The following LGSN variants were observed in gnomAD, a reference collection of about 807,000 sequenced individuals.
The protein encoded by LGSN is lengsin.
In LGSN, 21 loss-of-function variants were observed where a neutral mutation model predicts 19.5. That is an observed-to-expected ratio of 1.07 (90% CI 0.76 to 1.55). The LOEUF is 1.55. LGSN is among the 40% of genes most tolerant of loss of function. LGSN has a pLI of 0.00. For missense variants in LGSN, 673 were observed against 608.5 expected, an observed-to-expected ratio of 1.11 and a Z score of -1.12; for synonymous variants, 257 against 215.6, an observed-to-expected ratio of 1.19 and a Z score of -1.68.
At chr6:63,306,259 T>C (rs1768380673) in intron 1 of LGSN, among the ~76,000 whole-genome samples, 1 of 152,196 alleles carries the variant, frequency 6.6e-6, no homozygotes, top group African/African-American at 2.4e-5. Context: ...AGGTCATATC[T>C]GAGGAAGAAT....
chr6:63,344,991 G>A, the LGSN span, among the ~76,000 whole-genome samples: 1 of 151,994 alleles, frequency 6.6e-6, no homozygotes, highest in African/African-American at 2.4e-5. Flanking sequence ...GTCCTCTATA[G>A]CATTGGCTCA....
At chr6:63,419,880 CAAAAAAA>C in the LGSN span, among the ~76,000 whole-genome samples, 1 of 57,342 alleles carries the variant, frequency 1.7e-5, no homozygotes, top group African/African-American at 9.0e-5. Flanking sequence ...AACTCCCTCC[CAAAAAAA>C]AAAAAAAAAA....
At chr6:63,505,764 ATTC>A in the LGSN span, among the ~76,000 whole-genome samples, 1 of 151,994 alleles carries the variant, frequency 6.6e-6, no homozygotes, top group African/African-American at 2.4e-5. Flanking sequence ...AGTTCAAGCA[ATTC>A]TTCTGCCTCA....
chr6:63,474,597 A>C, the LGSN span, among the ~76,000 whole-genome samples: 1 of 141,656 alleles, frequency 7.1e-6, no homozygotes, highest in Admixed American at 7.2e-5. Context: ...CCACAGAGCA[A>C]GACTCCATCT....
At chr6:63,366,722 G>A in the LGSN span, among the ~76,000 whole-genome samples, 2 of 152,276 alleles carry the variant, frequency 1.3e-5, no homozygotes, top group South Asian at 4.1e-4. Flanking sequence ...AAACAGCATG[G>A]TACTGGTAGC....
intron 2 of LGSN, 41 bp downstream of exon 2, chr6:63,294,872 T>C: frequency 6.2e-7 from 1 of 1,607,236 alleles, no homozygotes; most frequent in Non-Finnish European, 8.5e-7. Flanking sequence ...GGAGATTGCC[T>C]CTGACCACAC....
the LGSN span, among the ~76,000 whole-genome samples, chr6:63,536,402 T>C: frequency 6.6e-6 from 1 of 152,228 alleles, no homozygotes; most frequent in African/African-American, 2.4e-5. Flanking sequence ...TTTATCCCTC[T>C]GCTTTACTGG....
the LGSN span, among the ~76,000 whole-genome samples, chr6:63,404,421 T>G: frequency 6.6e-6 from 1 of 152,170 alleles, no homozygotes; most frequent in African/African-American, 2.4e-5. Flanking sequence ...AAGATTTCTA[T>G]TTACTATAGA....
chr6:63,381,657 C>A, the LGSN span, among the ~76,000 whole-genome samples: 1 of 152,294 alleles, frequency 6.6e-6, no homozygotes, highest in Non-Finnish European at 1.5e-5. Context: ...TGCAAATTAA[C>A]CCATTCATCT....
At chr6:63,370,886 G>T in the LGSN span, among the ~76,000 whole-genome samples, 3 of 152,182 alleles carry the variant, frequency 2.0e-5, no homozygotes, top group African/African-American at 4.8e-5. Flanking sequence ...CATTTTTCCT[G>T]CTTTTTGAAC....
At chr6:63,420,160 A>G in the LGSN span, among the ~76,000 whole-genome samples, 16 of 150,742 alleles carry the variant, frequency 1.1e-4, no homozygotes, top group South Asian at 2.1e-4. Context: ...CCGAGATCGC[A>G]CCACTGCACT....
At chr6:63,545,700 C>A in the LGSN span, among the ~76,000 whole-genome samples, 392 of 152,088 alleles carry the variant, frequency 2.6e-3, no homozygotes, top group South Asian at 4.3e-3. Flanking sequence ...CTCAATAAGG[C>A]CTGTTTCCTT....
At chr6:63,331,760 T>C in the LGSN span, among the ~76,000 whole-genome samples, 1 of 152,040 alleles carries the variant, frequency 6.6e-6, no homozygotes, top group Admixed American at 6.6e-5. Flanking sequence ...CCGAGGAAGG[T>C]CAGATTTAGT....
chr6:63,332,409 C>T, the LGSN span, among the ~76,000 whole-genome samples: 2 of 152,084 alleles, frequency 1.3e-5, no homozygotes, highest in African/African-American at 2.4e-5. Context: ...CTCACTTGGG[C>T]GACATGCCTT....
At chr6:63,333,295 A>C in the LGSN span, among the ~76,000 whole-genome samples, 2 of 151,960 alleles carry the variant, frequency 1.3e-5, no homozygotes, top group Non-Finnish European at 2.9e-5. Context: ...TGGATGGATT[A>C]ACTGCTGAAT....
At chr6:63,418,901 A>G in the LGSN span, among the ~76,000 whole-genome samples, 2 of 150,258 alleles carry the variant, frequency 1.3e-5, no homozygotes, top group Non-Finnish European at 3.0e-5. Context: ...CAGCAAAGAA[A>G]ACTAGACTTC....
chr6:63,340,899 C>T, the LGSN span, among the ~76,000 whole-genome samples: 4 of 151,640 alleles, frequency 2.6e-5, no homozygotes, highest in East Asian at 1.9e-4. Flanking sequence ...CCTGATATAA[C>T]AGTCACTTAT....
At chr6:63,524,877 A>G in the LGSN span, among the ~76,000 whole-genome samples, 3 of 152,344 alleles carry the variant, frequency 2.0e-5, no homozygotes, top group East Asian at 3.9e-4. Context: ...CACAATGGAC[A>G]AATTTTTAAA....
At chr6:63,562,683 G>A in the LGSN span, among the ~76,000 whole-genome samples, 1 of 152,120 alleles carries the variant, frequency 6.6e-6, no homozygotes, top group Non-Finnish European at 1.5e-5. Context: ...ATAAGTTTTA[G>A]CTATTCTTGC....
Sources: gnomAD v4.1 joint callset for allele counts (sites outside exome capture counted in the v4.1 genomes callset) on GRCh38, gnomAD v4.1.1 for gene constraint, MANE v1.5 for transcripts, NCBI Gene and HGNC (gene_info 2026-07-23, HGNC 2026-07-21) for gene names.